LRMDA: variants seen among roughly 807,000 people sequenced by gnomAD.
LRMDA encodes leucine-rich melanocyte differentiation-associated protein.
LRMDA carries 18 observed loss-of-function variants against 29.8 expected under a neutral mutation model. That is an observed-to-expected ratio of 0.60 (90% CI 0.42 to 0.90). LRMDA has a LOEUF of 0.90. Ranked by LOEUF, LRMDA falls within the 40% of genes least tolerant of loss-of-function variation. The pLI is 0.00. For synonymous variants in LRMDA, 125 were observed against 109.4 expected, an observed-to-expected ratio of 1.14 and a Z score of -0.89; for missense variants, 273 against 273.9, an observed-to-expected ratio of 1.00 and a Z score of 0.02.
At chr10:75,811,290 C>G (rs1042361456) in intron 2 of LRMDA, among the ~76,000 whole-genome samples, 1 of 152,188 alleles carries the variant, frequency 6.6e-6, no homozygotes, top group African/African-American at 2.4e-5. Flanking sequence ...ACCCCCACCC[C>G]TTGCTGAGGT....
At chr10:76,013,338 G>C (rs1221356122) in intron 2 of LRMDA, among the ~76,000 whole-genome samples, 2 of 150,226 alleles carry the variant, frequency 1.3e-5, no homozygotes, top group African/African-American at 4.9e-5. Flanking sequence ...ATGTAGAAAA[G>C]AGGAAGGGTC....
rs189097362 is a variant in LRMDA at position 75,870,078 on chromosome 10, C to T, written c.132-165930C>T. On this transcript the variant is annotated intron_variant, in intron 2 of 6. Transcript: ENST00000611255. ...GTCCTAAGGAAGGGACAAACTGTCA[C>T]CTGAAAGCCACATGTGGCCACCATC... Among the ~76,000 whole-genome samples, 11 of 152,260 alleles carry T rather than the reference C, an allele frequency of 7.2e-5. No homozygotes were observed. In the South Asian group the frequency reaches 1.2e-3, roughly 17 times the overall value.
At chr10:76,269,664 G>T (rs867507370) in intron 5 of LRMDA, among the ~76,000 whole-genome samples, 6 of 152,112 alleles carry the variant, frequency 3.9e-5, no homozygotes, top group African/African-American at 1.4e-4. Context: ...ACGATATATG[G>T]TACATTTAAT....
chr10:76,222,028 CTA>C (rs1231217856), intron 5 of LRMDA, among the ~76,000 whole-genome samples: 2 of 152,082 alleles, frequency 1.3e-5, no homozygotes, highest in African/African-American at 4.8e-5. Context: ...AAAGGATTCC[CTA>C]TTTAATAAAT....
intron 5 of LRMDA, among the ~76,000 whole-genome samples, chr10:76,117,447 A>G (rs1849685690): frequency 6.6e-6 from 1 of 152,242 alleles, no homozygotes; most frequent in East Asian, 1.9e-4. Flanking sequence ...ATCTTCCCAG[A>G]GTAGAGTCCC....
intron 2 of LRMDA, among the ~76,000 whole-genome samples, chr10:75,662,180 A>C (rs902425549): frequency 6.6e-6 from 1 of 152,126 alleles, no homozygotes; most frequent in Non-Finnish European, 1.5e-5. Flanking sequence ...TTCAAAGTGC[A>C]AACTGCAAAG....
intron 2 of LRMDA, among the ~76,000 whole-genome samples, chr10:75,630,214 C>G (rs773724451): frequency 4.6e-5 from 7 of 152,158 alleles, no homozygotes; most frequent in Non-Finnish European, 1.0e-4. Context: ...CTCTGTGGCT[C>G]TCATTGTTAA....
At chr10:76,012,983 G>C (rs1281157627) in intron 2 of LRMDA, among the ~76,000 whole-genome samples, 1 of 152,040 alleles carries the variant, frequency 6.6e-6, no homozygotes, top group African/African-American at 2.4e-5. Context: ...GAATGTATTT[G>C]TAAAAGCGAT....
chr10:75,755,396 G>T lies in LRMDA; in HGVS notation c.132-280612G>T, dbSNP rs573456139. Reference sequence around the variant, plus strand: ...ATGAATGAATGTCTACCTAGATGATGATTAGGAACTCCATTAGTTGGGGTT... The same window carrying T: ...ATGAATGAATGTCTACCTAGATGATTATTAGGAACTCCATTAGTTGGGGTT... On this transcript the variant is annotated intron_variant, in intron 2 of 6. Transcript: ENST00000611255. 2.6e-5 allele frequency among the ~76,000 whole-genome samples: 4 copies of T among 152,344 alleles called. No homozygotes were observed. The South Asian group carries it at 8.3e-4, about 32-fold the overall frequency.
intron 2 of LRMDA, among the ~76,000 whole-genome samples, chr10:75,859,329 C>T (rs1589231485): frequency 1.3e-5 from 2 of 152,206 alleles, no homozygotes; most frequent in South Asian, 2.1e-4. Context: ...TCACCCCTCC[C>T]GGTGATTTAT....
chr10:75,745,327 A>C (rs1842877016), intron 2 of LRMDA, among the ~76,000 whole-genome samples: 1 of 152,128 alleles, frequency 6.6e-6, no homozygotes. Context: ...CATCATATAC[A>C]TAAAAAATCA....
intron 2 of LRMDA, among the ~76,000 whole-genome samples, chr10:75,923,960 A>G (rs1015739703): frequency 1.3e-5 from 2 of 152,138 alleles, no homozygotes; most frequent in African/African-American, 4.8e-5. Flanking sequence ...TCCCTTATTC[A>G]TTTCCTCGGA....
intron 6 of LRMDA, among the ~76,000 whole-genome samples, chr10:76,376,432 TAC>T (rs755720447): frequency 4.6e-5 from 7 of 152,052 alleles, no homozygotes; most frequent in African/African-American, 1.7e-4. Context: ...CTACTATAGA[TAC>T]ACACACACAG....
chr10:75,986,279 C>T (rs923552402), intron 2 of LRMDA, among the ~76,000 whole-genome samples: 3 of 152,204 alleles, frequency 2.0e-5, no homozygotes, highest in Non-Finnish European at 2.9e-5. Flanking sequence ...CTCATATTCT[C>T]TGATGAAAAG....
At chr10:76,156,849 C>T (rs553463178) in intron 5 of LRMDA, among the ~76,000 whole-genome samples, 1 of 152,172 alleles carries the variant, frequency 6.6e-6, no homozygotes, top group African/African-American at 2.4e-5. Context: ...TACATTCTTT[C>T]TCCTGTAGAG....
intron 2 of LRMDA, among the ~76,000 whole-genome samples, chr10:75,518,934 T>C (rs1845326149): frequency 6.6e-6 from 1 of 152,208 alleles, no homozygotes; most frequent in African/African-American, 2.4e-5. Flanking sequence ...AAATAACATA[T>C]TTATTTCTGC....
chr10:76,153,863 G>A (rs1177255946), intron 5 of LRMDA, among the ~76,000 whole-genome samples: 1 of 152,182 alleles, frequency 6.6e-6, no homozygotes, highest in Non-Finnish European at 1.5e-5. Flanking sequence ...GTTCAGCAGA[G>A]TGACTATTCC....
intron 5 of LRMDA, among the ~76,000 whole-genome samples, chr10:76,179,075 G>A (rs2132205030): frequency 6.6e-6 from 1 of 152,278 alleles, no homozygotes; most frequent in Admixed American, 6.5e-5. Flanking sequence ...ACTGTTATTT[G>A]AGGACTTCAT....
chr10:76,189,471 C>T (rs1440555983), intron 5 of LRMDA, among the ~76,000 whole-genome samples: 1 of 152,118 alleles, frequency 6.6e-6, no homozygotes, highest in Non-Finnish European at 1.5e-5. Flanking sequence ...ACAGTACCAC[C>T]CTGTTTTTGT....
Sources: allele counts gnomAD v4.1 joint callset (sites outside exome capture counted in the v4.1 genomes callset), GRCh38; gene constraint gnomAD v4.1.1; transcripts MANE v1.5; gene names NCBI Gene and HGNC (gene_info 2026-07-23, HGNC 2026-07-21).